Variants in KIF26A observed in about 807,000 individuals in gnomAD.
The protein encoded by KIF26A is kinesin family member 26A.
A neutral mutation model predicts 126.0 loss-of-function variants in KIF26A; 74 were observed. The ratio of observed to expected loss-of-function variants is 0.59; its 90% CI spans 0.49 to 0.71. The LOEUF (loss-of-function observed/expected upper bound fraction) is 0.71, where lower values mean the gene tolerates loss of function less well. Among genes scored for constraint, KIF26A ranks in the 30% least tolerant of loss-of-function variants. The pLI is 0.00. For synonymous variants in KIF26A, 1,445 were observed against 1,232.7 expected (o/e 1.17, Z -3.61); for missense variants, 2,984 against 2,763.3 (o/e 1.08, Z -1.79).
intron 5 of KIF26A, among the ~76,000 whole-genome samples, chr14:104,168,059 G>A (rs1337293420): frequency 2.0e-5 from 3 of 152,234 alleles, no homozygotes; most frequent in African/African-American, 7.2e-5. Flanking sequence ...TGCCCTAGCT[G>A]TACTGGGTCT....
chr14:104,141,161 A>G (rs1484768616), intron 2 of KIF26A, among the ~76,000 whole-genome samples: 2 of 152,082 alleles, frequency 1.3e-5, no homozygotes, highest in African/African-American at 4.8e-5. Flanking sequence ...ATGTGTGGAC[A>G]TGGCTGCTTC....
In KIF26A at chr14:104,177,714, G is replaced by C. The variant is rs753796697; in HGVS notation, c.4926G>C (p.Pro1642=). The change falls in exon 12 of 15, where the codon CCG becomes CCC. Residue 1642 remains proline, a synonymous_variant. Coordinates refer to ENST00000423312, the MANE Select transcript of KIF26A (RefSeq NM_015656.2). ...DNSSVLSGEL[P]PAMGRTALFH... is the part of the protein sequence containing the mutation. ...GCAGCGTGCTGAGTGGAGAGCTGCC[G>C]CCCGCCATGGGCCGCACCGCCCTTT... 6.5e-7 allele frequency: 1 copy of C among 1,531,366 alleles called. No individual in the cohort carries two copies. Among genetic ancestry groups the C allele is most frequent in the South Asian group, 1.2e-5 (1 of 83,498 alleles). The allele number at this position is 1,531,366 out of a possible 1,614,324, so 94.9% of individuals were successfully genotyped here.
rs1240579479 is a variant in KIF26A, at chr14:104,175,452, G to A, written c.2664G>A (p.Lys888=). 3 of 1,592,508 alleles carry A rather than the reference G, an allele frequency of 1.9e-6. No individual in the cohort carries two copies. The highest frequency in any genetic ancestry group is 1.3e-5 in the African/African-American group (1 of 74,894). ...CACCAGAGGCTGCATCCCCCAGGAA[G>A]GCCGTGGGCACCCCGATGGCTGCCA... is the stretch of plus-strand genomic sequence containing the variant. ...PSPPEAASPR[K]AVGTPMAAST... The change falls in exon 12 of 15, where the codon AAG becomes AAA. Residue 888 remains lysine, a synonymous_variant. Coordinates refer to ENST00000423312, the MANE Select transcript of KIF26A (RefSeq NM_015656.2).
chr14:104,178,810 A>G (rs751836844), intron 13 of KIF26A, 55 bp downstream of exon 13: 13 of 1,052,602 alleles, frequency 1.2e-5, no homozygotes, highest in Non-Finnish European at 1.5e-5. Flanking sequence ...CCTGCCGCGG[A>G]TGGCAGAGTG....
In KIF26A at chr14:104,151,879, T is replaced by C; in HGVS notation, c.289-136T>C. ...TTGTGTGGGTGAAAGTGTTTGGGCT[T>C]ATTAATCTGTTACGGATGGTGCGGT... On this transcript the variant is annotated intron_variant, in intron 2 of 14. Transcript: ENST00000423312. This position sits in a 1 kb window ranked among gnomAD's most constrained non-coding sequence, Gnocchi z 4.9. The C allele has an allele frequency of 1.4e-6, 1 of 699,426 alleles. No homozygotes were observed. The highest frequency in any genetic ancestry group is 2.5e-6 in the Non-Finnish European group (1 of 401,278). The allele number at this position is 699,426 out of a possible 1,614,324, so 43.3% of individuals were successfully genotyped here.
intron 3 of KIF26A, 83 bp from the exon 4 acceptor site, chr14:104,157,672 C>T (rs1403685636): frequency 1.4e-6 from 2 of 1,441,844 alleles, no homozygotes; most frequent in South Asian, 1.3e-5. Flanking sequence ...GGTGCCCAGG[C>T]CTGTCTCTCC....
At chr14:104,166,177 G>A (rs565483876) in intron 4 of KIF26A, among the ~76,000 whole-genome samples, 2 of 130,688 alleles carry the variant, frequency 1.5e-5, no homozygotes, top group South Asian at 4.5e-4. Flanking sequence ...TGACGAGGGT[G>A]GCAGGGGCCC....
Position 104,173,060 on chromosome 14 carries a change from C to T in KIF26A, c.1504C>T (p.Leu502Phe). ...CTGCGCCATCTCCTGGCTCTTCAGG[C>T]TCATCGAGGAGCGCAGGGAGAGGAC... ...VPCAISWLFRLIEERRERTGT... is the reference protein window; with the variant it reads ...VPCAISWLFRFIEERRERTGT... Residue 502 changes from leucine to phenylalanine, a missense_variant, in exon 8 of 15, where the codon CTC (leucine) becomes TTC (phenylalanine). By Grantham distance (22) the Leu-to-Phe change is conservative. Coordinates refer to ENST00000423312, the MANE Select transcript of KIF26A (RefSeq NM_015656.2). 1 of 1,605,254 alleles carries T rather than the reference C, an allele frequency of 6.2e-7. No individual in the cohort carries two copies. Among genetic ancestry groups the T allele is most frequent in the African/African-American group, 1.3e-5 (1 of 74,908 alleles).
At position 104,173,873 on chromosome 14, in the gene KIF26A, G is replaced by C; in HGVS notation, c.2030+5G>C. ...AGCCAAGCATGTGCCGTATCGGTGA[G>C]TGTAGGGCCTGGGCAGGTGCCGACC... On this transcript the variant is annotated splice_donor_5th_base_variant and intron_variant, in intron 10 of 14. Coordinates refer to ENST00000423312, the MANE Select transcript of KIF26A (RefSeq NM_015656.2). 1 of 1,577,820 alleles carries C rather than the reference G, an allele frequency of 6.3e-7. No individual in the cohort carries two copies. The highest frequency in any genetic ancestry group is 8.6e-7 in the Non-Finnish European group (1 of 1,165,482).
At chr14:104,162,026 T>G (rs1329349949) in intron 4 of KIF26A, among the ~76,000 whole-genome samples, 1 of 152,206 alleles carries the variant, frequency 6.6e-6, no homozygotes, top group Non-Finnish European at 1.5e-5. Flanking sequence ...TCAAGGGCTG[T>G]TGAACCCAAG....
In KIF26A at chr14:104,179,254, A is replaced by C. The variant is rs2038073137; in HGVS notation, c.5335A>C (p.Thr1779Pro). Residue 1779 changes from threonine to proline, a missense_variant, in exon 14 of 15, where the codon ACA (threonine) becomes CCA (proline). By Grantham distance (38) the Thr-to-Pro change is conservative. Transcript: ENST00000423312. ...APTQGLACVS[T>P]RLRLAERRQQ... ...CTCCCAGGGTCTGGCGTGCGTCAGT[A>C]CAAGGCTGCGGCTGGCGGAGCGCAG... 2 of 1,521,274 alleles carry C rather than the reference A, an allele frequency of 1.3e-6. No homozygotes were observed. The highest frequency in any genetic ancestry group is 4.1e-5 in the Admixed American group (2 of 49,086). The allele number at this position is 1,521,274 out of a possible 1,614,324, so 94.2% of individuals were successfully genotyped here.
intron 2 of KIF26A, among the ~76,000 whole-genome samples, chr14:104,149,889 A>G (rs8019366): frequency 0.9 from 136,861 of 152,258 alleles, 61,915 homozygotes; most frequent in Non-Finnish European, 0.95. Flanking sequence ...TTGGGTTAAT[A>G]GCTCCAGCAG....
At chr14:104,138,823 T>C in intron 1 of KIF26A, 59 bp downstream of exon 1, 2 of 1,255,016 alleles carry the variant, frequency 1.6e-6, no homozygotes, top group Non-Finnish European at 2.0e-6. Context: ...ACGGCGAAGA[T>C]ACTCGCGGTG....
At chr14:104,142,150 C>T (rs2037643268) in intron 2 of KIF26A, among the ~76,000 whole-genome samples, 1 of 152,150 alleles carries the variant, frequency 6.6e-6, no homozygotes, top group Admixed American at 6.5e-5. Context: ...ATGGATAAGA[C>T]TGTGCCCTCC....
chr14:104,143,398 T>TTGTAGAGGGA (rs1481477866), intron 2 of KIF26A, among the ~76,000 whole-genome samples: 1 of 152,236 alleles, frequency 6.6e-6, no homozygotes, highest in Non-Finnish European at 1.5e-5. Flanking sequence ...TGTTTCTCCT[T>TTGTAGAGGGA]GGACGCTGCT....
At chr14:104,158,030 G>C in intron 4 of KIF26A, 88 bp downstream of exon 4, 1 of 1,246,384 alleles carries the variant, frequency 8.0e-7, no homozygotes, top group Non-Finnish European at 1.1e-6. Context: ...GCCGTTCTTG[G>C]GGGACCTCGG....
At chr14:104,166,680 C>T (rs1398611518) in intron 4 of KIF26A, among the ~76,000 whole-genome samples, 179 bp from the exon 5 acceptor site, 1 of 152,156 alleles carries the variant, frequency 6.6e-6, no homozygotes, top group Non-Finnish European at 1.5e-5. Context: ...ATGGAGGCCC[C>T]AGCCTGAACC....
rs374800612 is a variant in KIF26A, at chr14:104,174,971, T to G, written c.2194-11T>G. 1 of 1,516,088 alleles carries G rather than the reference T, an allele frequency of 6.6e-7. No individual in the cohort carries two copies. The highest frequency in any genetic ancestry group is 8.8e-7 in the Non-Finnish European group (1 of 1,133,492). 93.9% of individuals were successfully genotyped at this position (1,516,088 alleles called of 1,614,324 possible). ...AGACTGGGCTCGGCAGCTCCACTTT[T>G]CTTCCCCCAGTACGCCTCCAGCTCC... is the stretch of plus-strand genomic sequence containing the variant. On this transcript the variant is annotated splice_polypyrimidine_tract_variant and intron_variant, in intron 11 of 14. Coordinates refer to ENST00000423312, the MANE Select transcript of KIF26A (RefSeq NM_015656.2).
chr14:104,149,188 GC>G (rs2037705635), intron 2 of KIF26A, among the ~76,000 whole-genome samples: 1 of 152,214 alleles, frequency 6.6e-6, no homozygotes, highest in Non-Finnish European at 1.5e-5. Context: ...TGGAGAGATG[GC>G]CCCTGCCCTG....
Sources: allele counts gnomAD v4.1 joint callset (sites outside exome capture counted in the v4.1 genomes callset), GRCh38; gene constraint gnomAD v4.1.1; non-coding constraint Gnocchi (gnomAD v3.1); transcripts MANE v1.5; gene names NCBI Gene and HGNC (gene_info 2026-07-23, HGNC 2026-07-21).